The following CCDC39 variants were observed in gnomAD, a reference collection of about 807,000 sequenced individuals.
CCDC39 encodes the protein coiled-coil domain 39 molecular ruler complex subunit, also known as coiled-coil domain-containing protein 39.
Under a neutral mutation model 121.0 loss-of-function variants are expected in CCDC39, and 113 were observed. That is an observed-to-expected ratio of 0.93 (90% CI 0.80 to 1.09). The LOEUF (loss-of-function observed/expected upper bound fraction) is 1.09. Among genes scored for constraint, CCDC39 ranks in the 50% least tolerant of loss-of-function variants. The pLI, the probability that CCDC39 is intolerant of heterozygous loss-of-function variation, is 0.00. For synonymous variants in CCDC39, 349 were observed against 352.2 expected (o/e 0.99, Z 0.10); for missense variants, 1,063 against 1,074.7 (o/e 0.99, Z 0.15).
chr3:180,637,974 G>A (rs1717871237), intron 13 of CCDC39, among the ~76,000 whole-genome samples: 1 of 152,016 alleles, frequency 6.6e-6, no homozygotes, highest in Non-Finnish European at 1.5e-5. Context: ...TAACTATTGG[G>A]TACTAGGATT....
At chr3:180,616,227 A>G (rs1028736670) in intron 19 of CCDC39, 54 bp downstream of exon 19, 38 of 1,467,522 alleles carry the variant, frequency 2.6e-5, no homozygotes, top group Non-Finnish European at 3.4e-5. Context: ...GGCTGGAATC[A>G]CTTAGTGTAC....
intron 11 of CCDC39, among the ~76,000 whole-genome samples, chr3:180,645,861 A>C (rs1298769896): frequency 6.6e-6 from 1 of 152,118 alleles, no homozygotes; most frequent in Non-Finnish European, 1.5e-5. Context: ...GGTATGATGG[A>C]GGGAGCAGTC....
intron 8 of CCDC39, 89 bp from the exon 9 acceptor site, chr3:180,651,622 T>C (rs1190322424): frequency 2.3e-6 from 3 of 1,297,540 alleles, no homozygotes; most frequent in Non-Finnish European, 2.0e-6. Context: ...TATTTATTTG[T>C]ATAACTTGAA....
chr3:180,614,071 C>T lies in CCDC39; in HGVS notation c.*850G>A. 1 of 278,236 alleles carries T rather than the reference C, an allele frequency of 3.6e-6. No individual in the cohort carries two copies. The highest frequency in any genetic ancestry group is 4.9e-5 in the Admixed American group (1 of 20,282). 17.2% of individuals were successfully genotyped at this position (278,236 alleles called of 1,614,324 possible). On this transcript the variant is annotated 3_prime_UTR_variant, in exon 20 of 20. Coordinates refer to ENST00000476379, the MANE Select transcript of CCDC39 (RefSeq NM_181426.2). ...TATTCCACACTCTATTCCAAGAGTA[C>T]AAAGTGTTGGGCACATGTTATAATG...
intron 7 of CCDC39, among the ~76,000 whole-genome samples, chr3:180,652,640 T>C (rs1253479070): frequency 6.6e-6 from 1 of 152,078 alleles, no homozygotes; most frequent in Non-Finnish European, 1.5e-5. Context: ...TTCTAATATA[T>C]CAGACTTCTA....
chr3:180,625,489 A>C (rs903490451), intron 14 of CCDC39, among the ~76,000 whole-genome samples: 16 of 151,336 alleles, frequency 1.1e-4, no homozygotes, highest in African/African-American at 3.2e-4. Flanking sequence ...TTCATCTGGC[A>C]TTTCAAGGAT....
chr3:180,677,492 GCTAA>G lies in CCDC39; in HGVS notation c.90+1795_90+1798del, dbSNP rs1712269291. Among the ~76,000 whole-genome samples, 3 of 151,696 alleles carry G rather than the reference GCTAA, an allele frequency of 2.0e-5. No homozygotes were observed. In the South Asian group the frequency reaches 6.3e-4, roughly 32 times the overall value. On this transcript the variant is annotated intron_variant, in intron 1 of 19. Coordinates refer to ENST00000476379, the MANE Select transcript of CCDC39 (RefSeq NM_181426.2). ...AGGAGGTGGGAAAATGTGTAAGAGT[GCTAA>G]CTTATTCTTTAAAATCAGAGACATT...
intron 1 of CCDC39, among the ~76,000 whole-genome samples, chr3:180,670,940 G>A (rs1349464315): frequency 1.3e-5 from 2 of 151,954 alleles, no homozygotes; most frequent in Admixed American, 6.6e-5. Context: ...GGCTGGATGC[G>A]GTGGCTCACA....
Position 180,616,690 on chromosome 3 carries a change from T to G in CCDC39, c.2412A>C (p.Ala804=). The G allele has an allele frequency of 2.5e-6, 4 of 1,587,244 alleles. No homozygotes were observed. The highest frequency in any genetic ancestry group is 3.4e-6 in the Non-Finnish European group (4 of 1,164,914). The change falls in exon 18 of 20, where the codon GCA becomes GCC. Residue 804 remains alanine, a synonymous_variant. Transcript: ENST00000476379. The part of the protein sequence containing the change: ...PKLERVTKQC[A]KLTKEIRLLK... ...AAAGACGGATTTCCTTTGTGAGTTT[T>G]GCACACTGTTGGTAAATAATAGTCA...
Position 180,679,271 on chromosome 3 carries a change from C to T in CCDC39, c.90+20G>A, listed in dbSNP as rs1712324151. The T allele has an allele frequency of 6.2e-7, 1 of 1,606,350 alleles. No homozygotes were observed. ...AACAGGCTCTCTCTGCTTCCTCCCG[C>T]CTGCTTCAATTGATCTCACCTGATC... On this transcript the variant is annotated intron_variant, in intron 1 of 19. Coordinates refer to ENST00000476379, the MANE Select transcript of CCDC39 (RefSeq NM_181426.2). The surrounding 1 kb of genome is among the most constrained non-coding windows in gnomAD (Gnocchi z 4.0).
chr3:180,630,108 C>T (rs978977720), intron 14 of CCDC39, among the ~76,000 whole-genome samples: 5 of 152,052 alleles, frequency 3.3e-5, no homozygotes, highest in African/African-American at 9.7e-5. Flanking sequence ...GGTCACCTAC[C>T]GAAGCAGTGG....
rs1470807176 is a variant in CCDC39, at chr3:180,655,023, C to A, written c.739-70G>T. 4.1e-6 allele frequency: 4 copies of A among 984,468 alleles called. No homozygotes were observed. In the East Asian group the frequency reaches 1.2e-4, roughly 30 times the overall value. 61.0% of individuals were successfully genotyped at this position (984,468 alleles called of 1,614,324 possible). ...GAGAAAACTAAAAGGAATTTAGTTT[C>A]TATTTTTCTATTATTACATTTAGTA... is the stretch of plus-strand genomic sequence containing the variant. On this transcript the variant is annotated intron_variant, in intron 6 of 19. Coordinates refer to ENST00000476379, the MANE Select transcript of CCDC39 (RefSeq NM_181426.2).
chr3:180,653,758 C>G (rs893238689), intron 7 of CCDC39, among the ~76,000 whole-genome samples: 1 of 152,132 alleles, frequency 6.6e-6, no homozygotes, highest in Non-Finnish European at 1.5e-5. Flanking sequence ...GGGATTGGTT[C>G]CAGGATCCCT....
At chr3:180,628,368 C>T (rs1489278373) in intron 14 of CCDC39, among the ~76,000 whole-genome samples, 2 of 152,066 alleles carry the variant, frequency 1.3e-5, no homozygotes, top group Non-Finnish European at 1.5e-5. Flanking sequence ...CCACCACACC[C>T]GGCTAATTTT....
At chr3:180,638,487 A>C (rs1560085800) in intron 13 of CCDC39, among the ~76,000 whole-genome samples, 3 of 152,130 alleles carry the variant, frequency 2.0e-5, no homozygotes, top group Admixed American at 2.0e-4. Flanking sequence ...ACATGAAAAA[A>C]CCATTAAATC....
intron 12 of CCDC39, among the ~76,000 whole-genome samples, chr3:180,642,595 C>T (rs1717981271): frequency 6.6e-6 from 1 of 151,914 alleles, no homozygotes; most frequent in Admixed American, 6.6e-5. Context: ...AGAGTACTGA[C>T]ATAAGAGTAC....
chr3:180,664,087 A>G (rs537142603), intron 1 of CCDC39, 101 bp from the exon 2 acceptor site: 1 of 1,087,258 alleles, frequency 9.2e-7, no homozygotes, highest in Non-Finnish European at 1.3e-6. Context: ...ACATTGTCTT[A>G]GTCAATTTGG....
chr3:180,669,362 T>G (rs1236698301), intron 1 of CCDC39, among the ~76,000 whole-genome samples: 2 of 152,214 alleles, frequency 1.3e-5, no homozygotes, highest in Non-Finnish European at 2.9e-5. Flanking sequence ...TCAAGTGTTT[T>G]TTAAAGAGCC....
At position 180,652,229 on chromosome 3, in the gene CCDC39, C is replaced by T. The variant is rs867836105; in HGVS notation, c.968G>A (p.Ser323Asn). Residue 323 changes from serine to asparagine, a missense_variant, in exon 8 of 20, where the codon AGT becomes AAT. Transcript: ENST00000476379. ...ATTTTTCCTCAGAGCTTCTAAATCA[C>T]TGGAAGTTCTATTCACAGTGGCTTT... ...SLKATVNRTS[S>N]DLEALRKNIS... 5.9e-6 allele frequency: 9 copies of T among 1,536,266 alleles called. No homozygotes were observed. The South Asian group carries it at 7.7e-5, about 13-fold the overall frequency.
Sources: gnomAD v4.1 joint callset for allele counts (sites outside exome capture counted in the v4.1 genomes callset) on GRCh38, gnomAD v4.1.1 for gene constraint, Gnocchi (gnomAD v3.1) non-coding constraint, MANE v1.5 for transcripts, NCBI Gene and HGNC (gene_info 2026-07-23, HGNC 2026-07-21) for gene names.